COL4A5: variants seen among roughly 807,000 people sequenced by gnomAD.
COL4A5 encodes the protein collagen type IV alpha 5 chain.
Under a neutral mutation model 130.2 loss-of-function variants are expected in COL4A5, and 26 were observed. That is an observed-to-expected ratio of 0.20 (90% confidence interval 0.15 to 0.28). The LOEUF is 0.28. Among genes scored for constraint, COL4A5 ranks in the 10% least tolerant of loss-of-function variants. The probability of loss-of-function intolerance (pLI) is 1.00; values close to 1 mark genes in which losing one functional copy is unlikely to be tolerated. For missense variants in COL4A5, 1,131 were observed against 1,344.3 expected, an observed-to-expected ratio of 0.84 and a Z score of 2.48; for synonymous variants, 496 against 439.6, an observed-to-expected ratio of 1.13 and a Z score of -1.60.
chrX:108,633,231 G>T (rs2067298742), intron 36 of COL4A5, among the ~76,000 whole-genome samples: 1 of 110,744 alleles, frequency 9.0e-6, no homozygotes, highest in Admixed American at 9.7e-5. Context: ...AAGGCTTGAG[G>T]CCTGTCACAT....
chrX:108,525,587 C>CT lies in COL4A5; in HGVS notation c.82-14150dup, dbSNP rs1214628115. On this transcript the variant is annotated intron_variant, in intron 1 of 52. Coordinates refer to ENST00000328300, the MANE Select transcript of COL4A5 (RefSeq NM_033380.3). ...TCTTATGTTCCTCCTTTACTGCCTT[C>CT]TTTTTTTTTATTAAGTGAATATTTT... 9.4e-4 allele frequency among the ~76,000 whole-genome samples: 103 copies of CT among 109,184 alleles called. 1 individual carries two copies. Among genetic ancestry groups the CT allele is most frequent in the African/African-American group, 2.7e-3 (82 of 30,106 alleles). The allele number at this position is 109,184 out of a possible 115,157, so 94.8% of individuals were successfully genotyped here.
intron 29 of COL4A5, among the ~76,000 whole-genome samples, chrX:108,609,132 A>G (rs1483793011): frequency 2.7e-5 from 3 of 111,882 alleles, no homozygotes; most frequent in Non-Finnish European, 5.7e-5. Context: ...ATGTGATTTC[A>G]TTTTGCTTCA....
intron 21 of COL4A5, among the ~76,000 whole-genome samples, chrX:108,594,809 T>C (rs2147804518): frequency 9.1e-6 from 1 of 110,481 alleles, no homozygotes; most frequent in Admixed American, 9.7e-5. Flanking sequence ...CTTATGTAGT[T>C]CTATTTTTTC....
intron 43 of COL4A5, among the ~76,000 whole-genome samples, chrX:108,675,217 T>C (rs2068282705): frequency 9.0e-6 from 1 of 111,554 alleles, no homozygotes; most frequent in African/African-American, 3.3e-5. Context: ...TTTATGTAAT[T>C]AATAACTCAT....
At chrX:108,545,800 G>A (rs2147680273) in intron 2 of COL4A5, among the ~76,000 whole-genome samples, 1 of 111,030 alleles carries the variant, frequency 9.0e-6, no homozygotes, top group African/African-American at 3.3e-5. Flanking sequence ...TCCTGTATTG[G>A]GTGCATATAT....
intron 13 of COL4A5, among the ~76,000 whole-genome samples, chrX:108,578,820 C>G (rs1259596638): frequency 9.2e-6 from 1 of 109,119 alleles, no homozygotes; most frequent in African/African-American, 3.3e-5. Flanking sequence ...GCTGGGATTA[C>G]AGGTGCCCAC....
At chrX:108,650,997 T>G (rs2067715823) in intron 36 of COL4A5, among the ~76,000 whole-genome samples, 1 of 111,463 alleles carries the variant, frequency 9.0e-6, no homozygotes, top group Non-Finnish European at 1.9e-5. Context: ...ATTTGACAAT[T>G]TTAAAAAATG....
At chrX:108,460,219 C>G (rs1365458287) in intron 1 of COL4A5, among the ~76,000 whole-genome samples, 3 of 111,610 alleles carry the variant, frequency 2.7e-5, no homozygotes, top group Non-Finnish European at 5.6e-5. Context: ...TGCCCTAGCT[C>G]TAAGTTTATG....
chrX:108,569,004 G>A lies in COL4A5; in HGVS notation c.384+183G>A. On this transcript the variant is annotated intron_variant, in intron 6 of 52. Transcript: ENST00000328300. Reference sequence around the variant, plus strand: ...AACTATCAATAATTTCATTAAACATGTATAATTAGCTGGGATATTGCATTG... The same window carrying A: ...AACTATCAATAATTTCATTAAACATATATAATTAGCTGGGATATTGCATTG... 3 of 426,533 alleles carry A rather than the reference G, an allele frequency of 7.0e-6. No homozygotes were observed. In the Admixed American group the frequency reaches 1.2e-4, roughly 18 times the overall value. 35.2% of individuals were successfully genotyped at this position (426,533 alleles called of 1,213,427 possible).
At chrX:108,694,780 A>C in intron 50 of COL4A5, 27 bp from the exon 51 acceptor site, 2 of 1,107,301 alleles carry the variant, frequency 1.8e-6, no homozygotes, top group South Asian at 1.8e-5. Context: ...TCTGTAGATT[A>C]TGTTCCTTCT....
At chrX:108,637,109 A>AT (rs1456934649) in intron 36 of COL4A5, among the ~76,000 whole-genome samples, 1 of 109,148 alleles carries the variant, frequency 9.2e-6, no homozygotes, top group Non-Finnish European at 1.9e-5. Context: ...TGCTTAGCTA[A>AT]TTTTTTGTAG....
intron 48 of COL4A5, among the ~76,000 whole-genome samples, chrX:108,687,199 A>G (rs972956300): frequency 2.7e-5 from 3 of 112,369 alleles, no homozygotes; most frequent in African/African-American, 9.7e-5. Context: ...ATTGATGGCA[A>G]CCACACCCTT....
chrX:108,612,750 A>G (rs1393597176), intron 29 of COL4A5, among the ~76,000 whole-genome samples: 2 of 112,032 alleles, frequency 1.8e-5, no homozygotes, highest in Admixed American at 1.9e-4. Context: ...CTCAAGGAGA[A>G]CACACAATTT....
intron 36 of COL4A5, among the ~76,000 whole-genome samples, chrX:108,644,477 A>G (rs1212985890): frequency 8.9e-6 from 1 of 112,483 alleles, no homozygotes; most frequent in Non-Finnish European, 1.9e-5. Context: ...GATAGACCAT[A>G]TGATAGGCCA....
At chrX:108,627,694 G>C in intron 36 of COL4A5, 1 of 432,657 alleles carries the variant, frequency 2.3e-6, no homozygotes, top group Non-Finnish European at 2.9e-6. Flanking sequence ...AGTATGAAAA[G>C]ATGTAAAATA....
intron 43 of COL4A5, among the ~76,000 whole-genome samples, chrX:108,675,346 T>G (rs747512350): frequency 1.8e-5 from 2 of 111,712 alleles, no homozygotes; most frequent in East Asian, 5.6e-4. Flanking sequence ...TGATAACTTT[T>G]AAAATGGAGT....
intron 1 of COL4A5, among the ~76,000 whole-genome samples, chrX:108,454,888 C>T (rs2064568630): frequency 9.0e-6 from 1 of 111,723 alleles, no homozygotes; most frequent in Admixed American, 9.5e-5. Context: ...GCTGAGATTA[C>T]AGGTGTGAGC....
intron 46 of COL4A5, 132 bp downstream of exon 46, chrX:108,681,088 T>C (rs1183924102): frequency 7.7e-6 from 4 of 520,817 alleles, no homozygotes; most frequent in Admixed American, 6.5e-5. Flanking sequence ...TAAACAAGGC[T>C]CTGCCTTTAT....
At chrX:108,573,464 C>A in intron 8 of COL4A5, 110 bp from the exon 9 acceptor site, 1 of 588,489 alleles carries the variant, frequency 1.7e-6, no homozygotes, top group Admixed American at 2.3e-5. Context: ...ATGGCCTAAT[C>A]TTTTAGTACA....
Sources: gnomAD v4.1 joint callset for allele counts (sites outside exome capture counted in the v4.1 genomes callset) on GRCh38, gnomAD v4.1.1 for gene constraint, MANE v1.5 for transcripts, NCBI Gene and HGNC (gene_info 2026-07-23, HGNC 2026-07-21) for gene names.